The following GRM7 variants were observed in gnomAD, a reference collection of about 807,000 sequenced individuals.
The protein encoded by GRM7 is metabotropic glutamate receptor 7.
GRM7 carries 35 observed loss-of-function variants against 84.5 expected under a neutral mutation model. The observed-to-expected ratio is 0.41, with a 90% CI of 0.32 to 0.55. The LOEUF (loss-of-function observed/expected upper bound fraction) is 0.55. Ranked by LOEUF, GRM7 falls within the 20% of genes least tolerant of loss-of-function variation. The pLI, the probability that GRM7 is intolerant of heterozygous loss-of-function variation, is 0.19. For synonymous variants in GRM7, 487 were observed against 455.1 expected (o/e 1.07, Z -0.89); for missense variants, 1,003 against 1,194.6 (o/e 0.84, Z 2.36).
At chr3:7,679,434 A>G (rs973888034) in intron 8 of GRM7, among the ~76,000 whole-genome samples, 2 of 152,210 alleles carry the variant, frequency 1.3e-5, no homozygotes, top group Non-Finnish European at 2.9e-5. Context: ...ATTTGACAAT[A>G]TAGAGTAGAC....
intron 7 of GRM7, among the ~76,000 whole-genome samples, chr3:7,553,152 T>C (rs1420610280): frequency 6.6e-6 from 1 of 152,188 alleles, no homozygotes; most frequent in Non-Finnish European, 1.5e-5. Context: ...ATTTCACAGA[T>C]CTCTAGGACA....
chr3:7,534,868 A>C (rs1701182534), intron 7 of GRM7, among the ~76,000 whole-genome samples: 1 of 152,164 alleles, frequency 6.6e-6, no homozygotes, highest in Non-Finnish European at 1.5e-5. Context: ...TATTAAGGAA[A>C]TGCATTTTCT....
chr3:7,458,109 C>T (rs1202715716), intron 6 of GRM7, among the ~76,000 whole-genome samples: 1 of 152,150 alleles, frequency 6.6e-6, no homozygotes, highest in Non-Finnish European at 1.5e-5. Context: ...ATGCAGAAGA[C>T]TGGTTTATTA....
intron 9 of GRM7, chr3:7,693,584 G>A (rs765981942): frequency 3.6e-6 from 4 of 1,116,150 alleles, no homozygotes; most frequent in Admixed American, 4.0e-5. Context: ...TTAATTTCCT[G>A]TGGTTTGCCA....
chr3:7,490,485 C>G (rs1699479949), intron 7 of GRM7, among the ~76,000 whole-genome samples: 5 of 152,156 alleles, frequency 3.3e-5, no homozygotes, highest in Admixed American at 2.6e-4. Context: ...TAACTGGAAA[C>G]TGACTTCTTG....
chr3:7,539,674 CAAAAA>C (rs57039269), intron 7 of GRM7, among the ~76,000 whole-genome samples: 1 of 87,112 alleles, frequency 1.1e-5, no homozygotes, highest in South Asian at 4.1e-4. Context: ...GACTCTGTCT[CAAAAA>C]AAAAAAAAAA....
chr3:6,945,429 A>G (rs1698034916), intron 1 of GRM7, among the ~76,000 whole-genome samples: 1 of 152,246 alleles, frequency 6.6e-6, no homozygotes, highest in South Asian at 2.1e-4. Context: ...TCCATGGTGT[A>G]TATGTGCCAC....
intron 8 of GRM7, among the ~76,000 whole-genome samples, chr3:7,632,060 A>G (rs1029277696): frequency 6.6e-6 from 1 of 152,196 alleles, no homozygotes; most frequent in Admixed American, 6.5e-5. Context: ...AGAACAATAC[A>G]CAGGCCCTGA....
At chr3:7,437,205 G>A (rs1575334319) in intron 5 of GRM7, among the ~76,000 whole-genome samples, 1 of 152,302 alleles carries the variant, frequency 6.6e-6, no homozygotes, top group Middle Eastern at 3.4e-3. Flanking sequence ...AAAAGAGTGA[G>A]ATAGTGCAGT....
At chr3:7,247,822 C>T (rs1206940153) in intron 2 of GRM7, among the ~76,000 whole-genome samples, 1 of 151,912 alleles carries the variant, frequency 6.6e-6, no homozygotes, top group Non-Finnish European at 1.5e-5. Context: ...GTGAACACTT[C>T]ACAACAGAAA....
intron 1 of GRM7, among the ~76,000 whole-genome samples, chr3:7,029,241 T>G (rs931821791): frequency 1.3e-5 from 2 of 150,046 alleles, no homozygotes; most frequent in African/African-American, 5.0e-5. Flanking sequence ...GAGGCAGAGG[T>G]TGCAGTAAGC....
intron 8 of GRM7, among the ~76,000 whole-genome samples, chr3:7,651,941 A>G (rs1283781240): frequency 2.0e-5 from 3 of 152,166 alleles, no homozygotes; most frequent in Non-Finnish European, 2.9e-5. Context: ...GTTGGCAAAT[A>G]TCTTGAATAT....
chr3:7,729,240 A>G (rs894675224), intron 9 of GRM7, among the ~76,000 whole-genome samples: 8 of 152,154 alleles, frequency 5.3e-5, no homozygotes, highest in Admixed American at 2.6e-4. Context: ...GAATCACCCA[A>G]TGCACGCATT....
At chr3:7,293,426 A>G (rs1292734604) in intron 2 of GRM7, among the ~76,000 whole-genome samples, 1 of 152,106 alleles carries the variant, frequency 6.6e-6, no homozygotes, top group Non-Finnish European at 1.5e-5. Context: ...TCTTGTATGT[A>G]TCACTCTCTC....
intron 7 of GRM7, among the ~76,000 whole-genome samples, chr3:7,471,632 A>G (rs1698705943): frequency 1.3e-5 from 2 of 152,084 alleles, no homozygotes; most frequent in Admixed American, 1.3e-4. Flanking sequence ...ATATGATTGT[A>G]TTGGGTCCAC....
At chr3:7,331,827 G>C (rs1488311837) in intron 4 of GRM7, among the ~76,000 whole-genome samples, 1 of 152,126 alleles carries the variant, frequency 6.6e-6, no homozygotes, top group Non-Finnish European at 1.5e-5. Context: ...CATTATTAAA[G>C]AATTAGAGAA....
rs142362675 is a variant in GRM7 at position 7,597,465 on chromosome 3, C to G, written c.2451+18108C>G. On this transcript the variant is annotated intron_variant, in intron 8 of 9. Coordinates refer to ENST00000357716, the MANE Select transcript of GRM7 (RefSeq NM_000844.4). ...AGCCATTCTTAGCTTGTAGACCACA[C>G]AAAAACCGGCTATAAATTGCCCATG... Among the ~76,000 whole-genome samples, 221 of 152,276 alleles carry G rather than the reference C, an allele frequency of 1.5e-3. 2 individuals are homozygous for G. Among genetic ancestry groups the G allele is most frequent in the Admixed American group, 3.9e-3 (60 of 15,292 alleles).
intron 7 of GRM7, among the ~76,000 whole-genome samples, chr3:7,516,452 G>A (rs1405880848): frequency 7.6e-6 from 1 of 131,548 alleles, no homozygotes; most frequent in Admixed American, 8.2e-5. Context: ...ACTCCAGCCT[G>A]GGCGGCAGAG....
chr3:7,376,382 C>T (rs1694351093), intron 4 of GRM7, among the ~76,000 whole-genome samples: 1 of 152,190 alleles, frequency 6.6e-6, no homozygotes. Flanking sequence ...GAATGCTATG[C>T]ACCTACCCCA....
Sources: gnomAD v4.1 joint callset for allele counts (sites outside exome capture counted in the v4.1 genomes callset) on GRCh38, gnomAD v4.1.1 for gene constraint, MANE v1.5 for transcripts, NCBI Gene and HGNC (gene_info 2026-07-23, HGNC 2026-07-21) for gene names.